Variants in DAB2IP observed in about 807,000 individuals in gnomAD.
DAB2IP encodes disabled homolog 2-interacting protein.
A neutral mutation model predicts 107.2 loss-of-function variants in DAB2IP; 28 were observed. That is an observed-to-expected ratio of 0.26 (90% CI 0.19 to 0.36). The LOEUF (loss-of-function observed/expected upper bound fraction) is 0.36. DAB2IP is among the 10% of genes least tolerant of loss of function. The probability of loss-of-function intolerance (pLI) is 1.00; values close to 1 mark genes in which losing one functional copy is unlikely to be tolerated. For synonymous variants in DAB2IP, 755 were observed against 706.4 expected (o/e 1.07, Z -1.09); for missense variants, 1,400 against 1,644.7 (o/e 0.85, Z 2.57).
At chr9:121,762,921 G>T (rs1030668826) in intron 6 of DAB2IP, among the ~76,000 whole-genome samples, 2 of 152,200 alleles carry the variant, frequency 1.3e-5, no homozygotes, top group African/African-American at 4.8e-5. Flanking sequence ...GTGGGCAGTG[G>T]CGCCTCCACC....
At chr9:121,609,007 T>C (rs1426503323) in intron 1 of DAB2IP, among the ~76,000 whole-genome samples, 1 of 152,216 alleles carries the variant, frequency 6.6e-6, no homozygotes, top group Non-Finnish European at 1.5e-5. Context: ...AGTGGCGCAA[T>C]CTCGGCTCAC....
At chr9:121,778,264 C>A (rs1452008068) in intron 14 of DAB2IP, among the ~76,000 whole-genome samples, 2 of 152,184 alleles carry the variant, frequency 1.3e-5, no homozygotes, top group Non-Finnish European at 2.9e-5. Context: ...AGGATGTAAT[C>A]ACCTCTCAAA....
chr9:121,763,440 G>T, intron 6 of DAB2IP, 65 bp from the exon 7 acceptor site: 1 of 1,542,050 alleles, frequency 6.5e-7, no homozygotes, highest in Non-Finnish European at 8.7e-7. Flanking sequence ...GCTAGGTCTG[G>T]AATCCTAGGG....
chr9:121,577,249 G>A (rs913133966), intron 1 of DAB2IP, among the ~76,000 whole-genome samples: 3 of 152,198 alleles, frequency 2.0e-5, no homozygotes, highest in Non-Finnish European at 2.9e-5. Flanking sequence ...ACAAGCCTGA[G>A]GAGCTTTGGG....
rs1835736203 is a variant in DAB2IP at position 121,782,503 on chromosome 9, C to T, written c.*5C>T. Reference sequence around the variant, plus strand: ...AGAAACAGCAGCAATTGTTAACCTGCCTGAGGAGGGAGGAAGCTACCCAAG... The same window carrying T: ...AGAAACAGCAGCAATTGTTAACCTGTCTGAGGAGGGAGGAAGCTACCCAAG... On this transcript the variant is annotated 3_prime_UTR_variant, in exon 16 of 16. Transcript: ENST00000408936. This position sits in a 1 kb window ranked among gnomAD's most constrained non-coding sequence, Gnocchi z 6.1. 1.2e-6 allele frequency: 2 copies of T among 1,613,018 alleles called. No individual in the cohort carries two copies. Among genetic ancestry groups the T allele is most frequent in the South Asian group, 1.1e-5 (1 of 91,022 alleles).
intron 1 of DAB2IP, among the ~76,000 whole-genome samples, chr9:121,655,626 G>A (rs908933086): frequency 3.3e-5 from 5 of 152,110 alleles, no homozygotes; most frequent in South Asian, 2.1e-4. Context: ...GCTCAGCCGC[G>A]GACTGGTTGC....
chr9:121,611,074 C>T (rs1340280586), intron 1 of DAB2IP, among the ~76,000 whole-genome samples: 2 of 152,146 alleles, frequency 1.3e-5, no homozygotes, highest in Non-Finnish European at 2.9e-5. Flanking sequence ...TTCCTGGGTT[C>T]AAGCAATTCT....
chr9:121,711,887 A>C (rs573589548), intron 3 of DAB2IP, among the ~76,000 whole-genome samples: 1 of 152,220 alleles, frequency 6.6e-6, no homozygotes, highest in East Asian at 1.9e-4. Flanking sequence ...GGTGGCGTCC[A>C]TGTACCTGGC....
chr9:121,677,512 C>T (rs1457712807), intron 1 of DAB2IP, among the ~76,000 whole-genome samples: 1 of 151,958 alleles, frequency 6.6e-6, no homozygotes, highest in Non-Finnish European at 1.5e-5. Flanking sequence ...AGAGTGAGAC[C>T]CTGACTCTAA....
intron 1 of DAB2IP, among the ~76,000 whole-genome samples, chr9:121,582,543 C>A (rs1236512825): frequency 2.0e-5 from 3 of 152,070 alleles, no homozygotes; most frequent in African/African-American, 7.2e-5. Flanking sequence ...TCCACTGGCG[C>A]CCCCGTGACT....
chr9:121,618,340 A>G (rs912666670), intron 1 of DAB2IP, among the ~76,000 whole-genome samples: 2 of 152,096 alleles, frequency 1.3e-5, no homozygotes, highest in Admixed American at 6.6e-5. Flanking sequence ...TACAATGTGC[A>G]TGTCATGAAT....
intron 1 of DAB2IP, among the ~76,000 whole-genome samples, chr9:121,658,397 G>A (rs1833056148): frequency 6.6e-6 from 1 of 152,198 alleles, no homozygotes; most frequent in African/African-American, 2.4e-5. Flanking sequence ...CTGTTTCCCT[G>A]GAAGCTTGCG....
intron 1 of DAB2IP, among the ~76,000 whole-genome samples, chr9:121,659,829 G>A (rs575178933): frequency 1.3e-5 from 2 of 152,166 alleles, no homozygotes; most frequent in South Asian, 2.1e-4. Flanking sequence ...GAAAGAAAAC[G>A]TGATGCCAGT....
rs1832023180 is a variant in DAB2IP, at chr9:121,634,801, G to A, written c.41-43877G>A. ...GGCAGTGGACAGCCCCATTGGTCCT[G>A]CCCCCACCCCAGCCACCACCTGTGG... On this transcript the variant is annotated intron_variant, in intron 1 of 16. Transcript: ENST00000259371. The surrounding 1 kb of genome is among the most constrained non-coding windows in gnomAD (Gnocchi z 4.7). Among the ~76,000 whole-genome samples the A allele has an allele frequency of 6.6e-6, 1 of 152,130 alleles. No individual in the cohort carries two copies.
chr9:121,683,735 G>A (rs554158250), intron 2 of DAB2IP, among the ~76,000 whole-genome samples: 1 of 152,336 alleles, frequency 6.6e-6, no homozygotes, highest in African/African-American at 2.4e-5. Context: ...TGCTGTGACA[G>A]AACAAGGAAC....
In DAB2IP at chr9:121,698,859, C is replaced by T. The variant is rs986561364; in HGVS notation, c.229-466C>T. ...CCGACGGGGTGGGGGGGCGTGGATT[C>T]CTCCAGGTGGGTGTGGGGGGTGTGA... On this transcript the variant is annotated intron_variant, in intron 2 of 15. Transcript: ENST00000408936. The surrounding 1 kb of genome is among the most constrained non-coding windows in gnomAD (Gnocchi z 4.1). 6.6e-6 allele frequency among the ~76,000 whole-genome samples: 1 copy of T among 152,080 alleles called. No individual in the cohort carries two copies. The highest frequency in any genetic ancestry group is 1.5e-5 in the Non-Finnish European group (1 of 67,984).
At chr9:121,585,528 T>C (rs760246478) in intron 1 of DAB2IP, among the ~76,000 whole-genome samples, 1 of 152,164 alleles carries the variant, frequency 6.6e-6, no homozygotes, top group Non-Finnish European at 1.5e-5. Context: ...AGATTAGGTC[T>C]TGCCAAGGAG....
At chr9:121,664,333 C>T (rs1314882451) in intron 1 of DAB2IP, among the ~76,000 whole-genome samples, 1 of 152,130 alleles carries the variant, frequency 6.6e-6, no homozygotes, top group African/African-American at 2.4e-5. Context: ...AATGTAAGTC[C>T]CCCAACCTGT....
intron 3 of DAB2IP, among the ~76,000 whole-genome samples, chr9:121,748,199 G>C (rs1367983793): frequency 2.0e-5 from 3 of 152,232 alleles, no homozygotes; most frequent in Non-Finnish European, 4.4e-5. Context: ...GTGAGGAAAT[G>C]GCACCTAGAA....
Sources: gnomAD v4.1 joint callset for allele counts (sites outside exome capture counted in the v4.1 genomes callset) on GRCh38, gnomAD v4.1.1 for gene constraint, Gnocchi (gnomAD v3.1) non-coding constraint, MANE v1.5 for transcripts, NCBI Gene and HGNC (gene_info 2026-07-23, HGNC 2026-07-21) for gene names.